The following RORC variants were observed in gnomAD, a reference collection of about 807,000 sequenced individuals.
RORC encodes the protein nuclear receptor ROR-gamma.
Under a neutral mutation model 64.5 loss-of-function variants are expected in RORC, and 13 were observed. The observed-to-expected ratio is 0.20, with a 90% CI of 0.13 to 0.32. RORC has a LOEUF of 0.32. Ranked by LOEUF, RORC falls within the 10% of genes least tolerant of loss-of-function variation. The pLI, the probability that RORC is intolerant of heterozygous loss-of-function variation, is 1.00. For synonymous variants in RORC, 277 were observed against 259.3 expected, an observed-to-expected ratio of 1.07 and a Z score of -0.65; for missense variants, 468 against 669.5, an observed-to-expected ratio of 0.70 and a Z score of 3.32.
chr1:151,829,097 T>TCCCCGGCCTGGCAGTCGG (rs1446426384), intron 2 of RORC, among the ~76,000 whole-genome samples: 1 of 150,072 alleles, frequency 6.7e-6, no homozygotes, highest in Admixed American at 6.6e-5. Flanking sequence ...TCTCCTTCCT[T>TCCCCGGCCTGGCAGTCGG]CCCCGGCCTG....
chr1:151,807,758 T>G lies in RORC; in HGVS notation c.1396-125A>C. On this transcript the variant is annotated intron_variant, in intron 10 of 10. Transcript: ENST00000318247. The surrounding 1 kb of genome is among the most constrained non-coding windows in gnomAD (Gnocchi z 5.0). The stretch of plus-strand genomic sequence containing the variant: ...CCTTCCCCTTATGTACTTGGCACTT[T>G]GGCACCAGCCAAATCCCACTGGTAG... The G allele has an allele frequency of 2.0e-6, 2 of 988,490 alleles. No individual in the cohort carries two copies. Among genetic ancestry groups the G allele is most frequent in the Non-Finnish European group, 3.0e-6 (2 of 676,234 alleles). The allele number at this position is 988,490 out of a possible 1,614,324, so 61.2% of individuals were successfully genotyped here.
chr1:151,830,823 T>A lies in RORC; in HGVS notation c.40+902A>T. On this transcript the variant is annotated intron_variant, in intron 1 of 10. Coordinates refer to ENST00000318247, the MANE Select transcript of RORC (RefSeq NM_005060.4). This position sits in a 1 kb window ranked among gnomAD's most constrained non-coding sequence, Gnocchi z 4.0. The stretch of plus-strand genomic sequence containing the variant: ...CCCAGCCCCGCCCACCTCCCCTTGC[T>A]CCTGCCTGGCCCCACCCAGCTTCCT... The A allele has an allele frequency of 8.1e-6, 3 of 371,210 alleles. No individual in the cohort carries two copies. Among genetic ancestry groups the A allele is most frequent in the Non-Finnish European group, 1.4e-5 (3 of 214,408 alleles). 23.0% of individuals were successfully genotyped at this position (371,210 alleles called of 1,614,324 possible). A position where few individuals can be genotyped will look rare whatever the true frequency, so the allele number is the denominator to read the frequency against.
At chr1:151,812,872 G>A (rs1651592852) in intron 9 of RORC, 75 bp downstream of exon 9, 9 of 923,256 alleles carry the variant, frequency 9.7e-6, no homozygotes, top group Admixed American at 3.8e-5. Context: ...TACATCTGAA[G>A]GTCTAGACTC....
At chr1:151,813,414 G>A in intron 7 of RORC, 68 bp from the exon 8 acceptor site, 6 of 1,609,784 alleles carry the variant, frequency 3.7e-6, no homozygotes, top group Non-Finnish European at 4.3e-6. Context: ...CTGTCCCCCT[G>A]ATTTCCTTAA....
intron 9 of RORC, chr1:151,812,465 T>C (rs1330908005): frequency 1.9e-5 from 3 of 157,612 alleles, no homozygotes; most frequent in African/African-American, 7.2e-5. Context: ...GCTATGGTGT[T>C]CAGTAAGTTA....
At chr1:151,818,075 A>T (rs1478987668) in intron 2 of RORC, among the ~76,000 whole-genome samples, 1 of 152,230 alleles carries the variant, frequency 6.6e-6, no homozygotes, top group Non-Finnish European at 1.5e-5. Context: ...AGACCATCTC[A>T]TTCAACCTCT....
chr1:151,813,795 C>T (rs1327818355), intron 6 of RORC, 175 bp from the exon 7 acceptor site: 2 of 686,664 alleles, frequency 2.9e-6, no homozygotes, highest in African/African-American at 1.8e-5. Flanking sequence ...GCCAGTGAGT[C>T]CCACACACTG....
intron 2 of RORC, chr1:151,826,215 GGT>G: frequency 1.7e-6 from 1 of 588,202 alleles, no homozygotes; most frequent in Non-Finnish European, 2.5e-6. Context: ...CCTGGGGCAG[GGT>G]GTGAGGGGAG....
At position 151,830,876 on chromosome 1, in the gene RORC, C is replaced by T. The variant is rs1012872134; in HGVS notation, c.40+849G>A. The T allele has an allele frequency of 8.2e-7, 1 of 1,216,818 alleles. No homozygotes were observed. Among genetic ancestry groups the T allele is most frequent in the African/African-American group, 1.6e-5 (1 of 64,490 alleles). 75.4% of individuals were successfully genotyped at this position (1,216,818 alleles called of 1,614,324 possible). ...CTGACGTGGCACCGGCTCCTGGCCTCTAGCCTTGCACCTCAGAGCAGTCCT... is the reference window on the plus strand; with the variant it reads ...CTGACGTGGCACCGGCTCCTGGCCTTTAGCCTTGCACCTCAGAGCAGTCCT... On this transcript the variant is annotated intron_variant, in intron 1 of 10. Transcript: ENST00000318247. This position sits in a 1 kb window ranked among gnomAD's most constrained non-coding sequence, Gnocchi z 4.0.
Position 151,807,568 on chromosome 1 carries a change from C to T in RORC, c.1461G>A (p.Gln487=). 6.2e-7 allele frequency: 1 copy of T among 1,613,650 alleles called. No homozygotes were observed. The highest frequency in any genetic ancestry group is 8.5e-7 in the Non-Finnish European group (1 of 1,179,850). The stretch of plus-strand genomic sequence containing the variant: ...CTTGGACCACGATGGGGTGGAGGTG[C>T]TGGAAGATCTGCAGCCTTTCCACAT... ...SQHVERLQIF[Q]HLHPIVVQAA... Residue 487 remains glutamine (Q), a synonymous_variant, in exon 11 of 11, where the codon CAG becomes CAA. Coordinates refer to ENST00000318247, the MANE Select transcript of RORC (RefSeq NM_005060.4). This position sits in a 1 kb window ranked among gnomAD's most constrained non-coding sequence, Gnocchi z 5.0.
chr1:151,817,507 G>A (rs1272368879), intron 2 of RORC, among the ~76,000 whole-genome samples: 1 of 152,204 alleles, frequency 6.6e-6, no homozygotes, highest in African/African-American at 2.4e-5. Flanking sequence ...GAGTGTGGAG[G>A]GGTGGCCGGG....
intron 2 of RORC, among the ~76,000 whole-genome samples, chr1:151,817,485 C>T (rs1267135832): frequency 6.6e-6 from 1 of 152,208 alleles, no homozygotes; most frequent in Non-Finnish European, 1.5e-5. Context: ...GTGTTTGTTT[C>T]ACAGAGGAGG....
chr1:151,814,634 G>A lies in RORC; in HGVS notation c.873C>T (p.Asp291=). 1 of 1,612,708 alleles carries A rather than the reference G, an allele frequency of 6.2e-7. No individual in the cohort carries two copies. The highest frequency in any genetic ancestry group is 8.5e-7 in the Non-Finnish European group (1 of 1,179,402). The change falls in exon 6 of 11, where the codon GAC becomes GAT. Residue 291 remains aspartate (D), a synonymous_variant. Transcript: ENST00000318247. ...YRETCQLRLE[D]LLRQRSNIFS... ...AGATGTTGGAGCGCTGCCGCAGCAG[G>A]TCCTCCAGCCGCAGCTGGCATGTCT...
chr1:151,812,796 AT>A, intron 9 of RORC, 150 bp downstream of exon 9: 1 of 571,354 alleles, frequency 1.8e-6, no homozygotes, highest in South Asian at 2.2e-5. Flanking sequence ...ATTTTAACTC[AT>A]TTTATTTTAT....
chr1:151,826,241 T>C (rs910421505), intron 2 of RORC: 1 of 434,852 alleles, frequency 2.3e-6, no homozygotes, highest in African/African-American at 2.0e-5. Flanking sequence ...CAGCCAATCG[T>C]AGGGGGCGTT....
chr1:151,825,818 C>T (rs544012189), intron 2 of RORC: 10 of 1,302,266 alleles, frequency 7.7e-6, no homozygotes, highest in African/African-American at 4.4e-5. Context: ...TTGACCAGGA[C>T]GCACCCTGCT....
In RORC at chr1:151,828,971, T is replaced by C. The variant is rs1652297408; in HGVS notation, c.70+458A>G. The stretch of plus-strand genomic sequence containing the variant: ...TCCCGCCCAGGCGACAGTGTGAGAC[T>C]CTGTCTCAAAAAAAAAAAAAAAAAG... On this transcript the variant is annotated intron_variant, in intron 2 of 10. Coordinates refer to ENST00000318247, the MANE Select transcript of RORC (RefSeq NM_005060.4). Among the ~76,000 whole-genome samples, 3 of 106,302 alleles carry C rather than the reference T, an allele frequency of 2.8e-5. No homozygotes were observed. In the Admixed American group the frequency reaches 2.8e-4, roughly 10 times the overall value. 69.7% of individuals were successfully genotyped at this position (106,302 alleles called of 152,430 possible). A position where few individuals can be genotyped will look rare whatever the true frequency, so the allele number is the denominator to read the frequency against.
chr1:151,810,931 A>T (rs1651499962), intron 10 of RORC, among the ~76,000 whole-genome samples: 1 of 152,178 alleles, frequency 6.6e-6, no homozygotes, highest in Non-Finnish European at 1.5e-5. Flanking sequence ...CATTATTATT[A>T]TATCACATAC....
chr1:151,809,967 CT>C (rs58376776), intron 10 of RORC, among the ~76,000 whole-genome samples: 14,922 of 152,206 alleles, frequency 0.098, 1,220 homozygotes, highest in East Asian at 0.38. Flanking sequence ...TGATTTGCCC[CT>C]GACCTAATTT....
Sources: gnomAD v4.1 joint callset for allele counts (sites outside exome capture counted in the v4.1 genomes callset) on GRCh38, gnomAD v4.1.1 for gene constraint, Gnocchi (gnomAD v3.1) non-coding constraint, MANE v1.5 for transcripts, NCBI Gene and HGNC (gene_info 2026-07-23, HGNC 2026-07-21) for gene names.